ANKHD1: variants seen among roughly 807,000 people sequenced by gnomAD.
The protein encoded by ANKHD1 is ankyrin repeat and KH domain containing 1, also known as ankyrin repeat and KH domain-containing protein 1.
In ANKHD1, 31 loss-of-function variants were observed where a neutral mutation model predicts 230.5. The observed-to-expected ratio is 0.13, with a 90% CI of 0.10 to 0.18. The LOEUF (loss-of-function observed/expected upper bound fraction) is 0.18. ANKHD1 is among the 10% of genes least tolerant of loss of function. The pLI, the probability that ANKHD1 is intolerant of heterozygous loss-of-function variation, is 1.00. For missense variants in ANKHD1, 2,256 were observed against 3,071.3 expected (o/e 0.73, Z 6.27); for synonymous variants, 1,074 against 1,117.6 (o/e 0.96, Z 0.78).
At chr5:140,499,665 T>C (rs912048720) in intron 15 of ANKHD1, among the ~76,000 whole-genome samples, 1 of 152,162 alleles carries the variant, frequency 6.6e-6, no homozygotes, top group Non-Finnish European at 1.5e-5. Flanking sequence ...TCATACATGA[T>C]GTAGTTCCAA....
chr5:140,433,045 C>T (rs1773170582), intron 1 of ANKHD1, among the ~76,000 whole-genome samples: 1 of 151,106 alleles, frequency 6.6e-6, no homozygotes, highest in East Asian at 1.9e-4. Context: ...TCTCCAAGCC[C>T]CACCCCCTTC....
At chr5:140,430,918 G>C (rs1182618106) in intron 1 of ANKHD1, among the ~76,000 whole-genome samples, 1 of 152,036 alleles carries the variant, frequency 6.6e-6, no homozygotes, top group African/African-American at 2.4e-5. Context: ...TCCTCCCTCA[G>C]TCTCCCAAAG....
rs1469011651 is a variant in ANKHD1 at position 140,526,045 on chromosome 5, G to A, written c.4542G>A (p.Thr1514=). The A allele has an allele frequency of 1.2e-6, 2 of 1,606,556 alleles. No homozygotes were observed. Among genetic ancestry groups the A allele is most frequent in the Admixed American group, 1.7e-5 (1 of 58,054 alleles). The stretch of plus-strand genomic sequence containing the variant: ...CTCCTAGTGCAACCACCACCACTAC[G>A]ATTGGAATCTCTGCAACATCTGCAA... ...IEPPSATTTT[T]IGISATSATF... The change falls in exon 26 of 34, where the codon ACG becomes ACA. Residue 1514 remains threonine, a synonymous_variant. Transcript: ENST00000360839.
chr5:140,441,259 C>G (rs1773826215), intron 5 of ANKHD1, 117 bp downstream of exon 5: 12 of 1,294,518 alleles, frequency 9.3e-6, no homozygotes, highest in Non-Finnish European at 1.1e-5. Flanking sequence ...AATCTTAGCC[C>G]TTGTGTAGAA....
intron 7 of ANKHD1, among the ~76,000 whole-genome samples, chr5:140,452,587 G>T (rs141782269): frequency 6.6e-6 from 1 of 152,120 alleles, no homozygotes. Flanking sequence ...TGCTGCCTCC[G>T]CTGCTGATAC....
intron 25 of ANKHD1, 34 bp from the exon 26 acceptor site, chr5:140,525,962 T>G: frequency 6.5e-7 from 1 of 1,530,334 alleles, no homozygotes; most frequent in Non-Finnish European, 8.7e-7. Flanking sequence ...GATCTGTGAC[T>G]CAGTATGATT....
At chr5:140,471,187 A>G (rs964003702) in intron 10 of ANKHD1, among the ~76,000 whole-genome samples, 13 of 152,030 alleles carry the variant, frequency 8.6e-5, no homozygotes, top group Non-Finnish European at 1.6e-4. Flanking sequence ...GTGATGCTCA[A>G]TCTGTATTTA....
At chr5:140,467,033 A>G (rs757244740) in intron 10 of ANKHD1, among the ~76,000 whole-genome samples, 14 of 152,128 alleles carry the variant, frequency 9.2e-5, no homozygotes, top group Non-Finnish European at 1.8e-4. Context: ...TTATCTTGCA[A>G]TCTATTTTTA....
chr5:140,506,914 C>T lies in ANKHD1; in HGVS notation c.3488C>T (p.Ala1163Val), dbSNP rs1219760341. 2 of 1,613,926 alleles carry T rather than the reference C, an allele frequency of 1.2e-6. No individual in the cohort carries two copies. Among genetic ancestry groups the T allele is most frequent in the African/African-American group, 1.3e-5 (1 of 74,896 alleles). The part of the protein sequence containing the change: ...VSDYTPLSLA[A>V]SGGYVNIIKI... Reference sequence around the variant, plus strand: ...GATTATACACCACTGAGTCTAGCTGCGTCTGGAGGATATGTTAATATCATT... The same window carrying T: ...GATTATACACCACTGAGTCTAGCTGTGTCTGGAGGATATGTTAATATCATT... The change falls in exon 19 of 34, where the codon GCG becomes GTG. Residue 1163 changes from alanine (A) to valine (V), a missense_variant. Transcript: ENST00000360839. This position sits in a 1 kb window ranked among gnomAD's most constrained non-coding sequence, Gnocchi z 4.7.
chr5:140,432,391 C>G (rs1042292603), intron 1 of ANKHD1, among the ~76,000 whole-genome samples: 13 of 152,148 alleles, frequency 8.5e-5, no homozygotes, highest in African/African-American at 3.1e-4. Flanking sequence ...CAAGGTTCAT[C>G]TATATCATGT....
rs1750759120 is a variant in ANKHD1 at position 140,473,122 on chromosome 5, G to A, written c.1782+8346G>A. ...TGGCTCCCTGCAGCCTCTGCCTCCT[G>A]GGTTCAAGCGATTATCCTGCCCCAG... is the stretch of plus-strand genomic sequence containing the variant. On this transcript the variant is annotated intron_variant, in intron 10 of 33. Coordinates refer to ENST00000360839, the MANE Select transcript of ANKHD1 (RefSeq NM_017747.3). Among the ~76,000 whole-genome samples, 4 of 150,686 alleles carry A rather than the reference G, an allele frequency of 2.7e-5. 1 individual carries two copies. In the South Asian group the frequency reaches 8.4e-4, roughly 32 times the overall value.
chr5:140,415,392 A>AG (rs1440811765), intron 1 of ANKHD1, among the ~76,000 whole-genome samples: 1 of 151,972 alleles, frequency 6.6e-6, no homozygotes, highest in African/African-American at 2.4e-5. Flanking sequence ...AAGAAAAAAA[A>AG]AAAGAGTTTT....
intron 9 of ANKHD1, among the ~76,000 whole-genome samples, chr5:140,462,486 A>G (rs1467633574): frequency 1.3e-5 from 2 of 152,086 alleles, no homozygotes; most frequent in Non-Finnish European, 2.9e-5. Flanking sequence ...GCACTTTGGG[A>G]TGCCGAGGTG....
At chr5:140,426,254 C>T (rs1048417529) in intron 1 of ANKHD1, among the ~76,000 whole-genome samples, 29 of 152,108 alleles carry the variant, frequency 1.9e-4, no homozygotes, top group African/African-American at 7.0e-4. Flanking sequence ...CTCAGGTCCC[C>T]AGTAGCTGGG....
intron 10 of ANKHD1, among the ~76,000 whole-genome samples, chr5:140,473,054 C>T (rs1343177934): frequency 7.8e-5 from 11 of 141,576 alleles, no homozygotes; most frequent in Non-Finnish European, 1.5e-4. Flanking sequence ...GAGACAGAGT[C>T]TCGCCCTGTT....
Position 140,445,941 on chromosome 5 carries a change from C to G in ANKHD1, c.1113C>G (p.Phe371Leu). Residue 371 changes from phenylalanine (F) to leucine (L), a missense_variant, in exon 6 of 34, where the codon TTC becomes TTG. Phe to Leu is a conservative substitution (Grantham distance 22). Coordinates refer to ENST00000360839, the MANE Select transcript of ANKHD1 (RefSeq NM_017747.3). ...GCATCAACACTCATTCTAATGAATTCAAAGAAAGTGCTCTAACACTTGCTT... is the reference window on the plus strand; with the variant it reads ...GCATCAACACTCATTCTAATGAATTGAAAGAAAGTGCTCTAACACTTGCTT... Reference protein sequence around the residue: ...GAGINTHSNEFKESALTLACY... With the variant: ...GAGINTHSNELKESALTLACY... The G allele has an allele frequency of 6.2e-7, 1 of 1,607,224 alleles. No individual in the cohort carries two copies. The highest frequency in any genetic ancestry group is 8.5e-7 in the Non-Finnish European group (1 of 1,176,018).
Position 140,529,519 on chromosome 5 carries a change from G to A in ANKHD1, c.6573G>A (p.Met2191Ile). Residue 2191 changes from methionine (M) to isoleucine (I), a missense_variant, in exon 29 of 34, where the codon ATG becomes ATA. Around this residue, in one of 13 missense-constraint regions of ANKHD1, gnomAD observed 778 missense variants for 966.5 expected, o/e 0.80. Coordinates refer to ENST00000360839, the MANE Select transcript of ANKHD1 (RefSeq NM_017747.3). ...SAVNIMNGSQ[M>I]HINPANKSLP... is the part of the protein sequence containing the mutation. ...TGAACATTATGAATGGTTCTCAGAT[G>A]CACATAAACCCAGCAAATAAGTCTT... 2 of 1,614,184 alleles carry A rather than the reference G, an allele frequency of 1.2e-6. No individual in the cohort carries two copies. The highest frequency in any genetic ancestry group is 1.7e-6 in the Non-Finnish European group (2 of 1,180,032).
At chr5:140,415,407 T>C (rs536356401) in intron 1 of ANKHD1, among the ~76,000 whole-genome samples, 6 of 150,836 alleles carry the variant, frequency 4.0e-5, no homozygotes, top group African/African-American at 4.9e-5. Context: ...AGTTTTATAG[T>C]CTAAGCTTTT....
Position 140,438,568 on chromosome 5 carries a change from C to T in ANKHD1, c.568C>T (p.Leu190=). Residue 190 remains leucine, a synonymous_variant, in exon 3 of 34, where the codon CTG becomes TTG. Transcript: ENST00000360839. ...TGCACTGGATGAAGCTGCTGCTGCA[C>T]TGACACGGATGAAAGCAGAAAACAG... ...SCALDEAAAA[L]TRMKAENSHN... The T allele has an allele frequency of 1.9e-6, 3 of 1,612,924 alleles. No homozygotes were observed. The highest frequency in any genetic ancestry group is 1.1e-5 in the South Asian group (1 of 90,876).
Sources: allele counts gnomAD v4.1 joint callset (sites outside exome capture counted in the v4.1 genomes callset), GRCh38; gene constraint gnomAD v4.1.1; regional missense constraint gnomAD v4.1.1; non-coding constraint Gnocchi (gnomAD v3.1); transcripts MANE v1.5; gene names NCBI Gene and HGNC (gene_info 2026-07-23, HGNC 2026-07-21).